The following PRKG1 variants were observed in gnomAD, a reference collection of about 807,000 sequenced individuals.
PRKG1 encodes the protein cGMP-dependent protein kinase 1.
In PRKG1, 35 loss-of-function variants were observed where a neutral mutation model predicts 88.1. The observed-to-expected ratio is 0.40, with a 90% CI of 0.30 to 0.53. PRKG1 has a LOEUF of 0.53. PRKG1 is among the 20% of genes least tolerant of loss of function. PRKG1 has a pLI of 0.59. For missense variants in PRKG1, 540 were observed against 839.8 expected, an observed-to-expected ratio of 0.64 and a Z score of 4.41; for synonymous variants, 303 against 292.5, an observed-to-expected ratio of 1.04 and a Z score of -0.37.
At chr10:51,719,284 A>G (rs1841958726) in intron 3 of PRKG1, among the ~76,000 whole-genome samples, 1 of 152,190 alleles carries the variant, frequency 6.6e-6, no homozygotes, top group Admixed American at 6.5e-5. Context: ...GAACAAGAAT[A>G]TGGAAAGAGA....
chr10:51,532,420 G>A (rs2132095885), intron 3 of PRKG1, among the ~76,000 whole-genome samples: 1 of 152,264 alleles, frequency 6.6e-6, no homozygotes, highest in Non-Finnish European at 1.5e-5. Flanking sequence ...CTTCATGAAA[G>A]CGTGATTCCC....
chr10:51,698,319 C>A lies in PRKG1; in HGVS notation c.593-106266C>A, dbSNP rs761210544. 4.3e-6 allele frequency: 7 copies of A among 1,614,172 alleles called. No individual in the cohort carries two copies. In the South Asian group the frequency reaches 7.7e-5, roughly 18 times the overall value. ...TCCATCGCTCGAGAATCTCTACCAC[C>A]TCTACCATCCATAGGTAGACCCCTT... On this transcript the variant is annotated intron_variant, in intron 3 of 17. Coordinates refer to ENST00000373980, the MANE Select transcript of PRKG1 (RefSeq NM_006258.4).
chr10:51,706,825 C>T (rs2132424932), intron 3 of PRKG1, among the ~76,000 whole-genome samples: 1 of 151,986 alleles, frequency 6.6e-6, no homozygotes, highest in South Asian at 2.1e-4. Context: ...AGTAATGTCA[C>T]CTGTATTGGA....
At chr10:51,812,744 G>A (rs1839489263) in intron 4 of PRKG1, among the ~76,000 whole-genome samples, 1 of 152,102 alleles carries the variant, frequency 6.6e-6, no homozygotes, top group South Asian at 2.1e-4. Context: ...CAGAATAAGA[G>A]AAGACGACAC....
At chr10:52,090,637 C>G (rs574514071) in intron 7 of PRKG1, among the ~76,000 whole-genome samples, 23 of 152,274 alleles carry the variant, frequency 1.5e-4, no homozygotes, top group African/African-American at 5.3e-4. Flanking sequence ...CTTAAACTAT[C>G]TCCCTCAATA....
At chr10:51,950,297 T>C (rs191328882) in intron 5 of PRKG1, among the ~76,000 whole-genome samples, 134 of 152,342 alleles carry the variant, frequency 8.8e-4, no homozygotes, top group African/African-American at 3.2e-3. Context: ...GCATATCTCT[T>C]AGTGATTAAT....
At chr10:51,128,768 T>G (rs2131932800) in intron 1 of PRKG1, among the ~76,000 whole-genome samples, 1 of 152,302 alleles carries the variant, frequency 6.6e-6, no homozygotes, top group Middle Eastern at 3.4e-3. Context: ...GAAGTTAGAT[T>G]TTATTGCTTA....
chr10:51,604,887 C>T (rs1838717935), intron 3 of PRKG1, among the ~76,000 whole-genome samples: 1 of 152,198 alleles, frequency 6.6e-6, no homozygotes, highest in African/African-American at 2.4e-5. Context: ...CTCAATAGAC[C>T]CTCTGCCTTA....
At chr10:51,631,237 G>A (rs1224104362) in intron 3 of PRKG1, among the ~76,000 whole-genome samples, 5 of 152,128 alleles carry the variant, frequency 3.3e-5, no homozygotes, top group Non-Finnish European at 2.9e-5. Flanking sequence ...AAACTCTCCA[G>A]TTACATTTGT....
intron 10 of PRKG1, among the ~76,000 whole-genome samples, chr10:52,262,463 G>T (rs536734544): frequency 6.6e-6 from 1 of 152,146 alleles, no homozygotes; most frequent in East Asian, 1.9e-4. Flanking sequence ...TAGAGATGAA[G>T]TTTCACCATG....
At chr10:51,536,464 T>C (rs1842153581) in intron 3 of PRKG1, among the ~76,000 whole-genome samples, 1 of 152,148 alleles carries the variant, frequency 6.6e-6, no homozygotes, top group African/African-American at 2.4e-5. Flanking sequence ...TTTGCAAATA[T>C]ATTTTCCCAT....
At chr10:51,142,280 T>G (rs752818641) in intron 1 of PRKG1, among the ~76,000 whole-genome samples, 1 of 152,132 alleles carries the variant, frequency 6.6e-6, no homozygotes, top group African/African-American at 2.4e-5. Flanking sequence ...ACTTCTGTAA[T>G]GTAGAGAATG....
chr10:51,055,276 C>A (rs1348989434), intron 1 of PRKG1, among the ~76,000 whole-genome samples: 1 of 152,046 alleles, frequency 6.6e-6, no homozygotes, highest in Non-Finnish European at 1.5e-5. Flanking sequence ...AATTGCCATG[C>A]AAAATCAGAG....
intron 3 of PRKG1, among the ~76,000 whole-genome samples, chr10:51,748,362 A>C (rs941241821): frequency 2.4e-4 from 37 of 152,212 alleles, no homozygotes; most frequent in African/African-American, 8.2e-4. Flanking sequence ...AAAATATACT[A>C]ATGGTGCTGA....
At chr10:51,598,694 G>A (rs1838520995) in intron 3 of PRKG1, among the ~76,000 whole-genome samples, 1 of 152,154 alleles carries the variant, frequency 6.6e-6, no homozygotes, top group African/African-American at 2.4e-5. Flanking sequence ...AATCTAAGTG[G>A]AGCATTAAAT....
intron 5 of PRKG1, among the ~76,000 whole-genome samples, chr10:51,913,108 T>C (rs1385607005): frequency 1.3e-5 from 2 of 152,160 alleles, no homozygotes; most frequent in African/African-American, 2.4e-5. Context: ...TTTGTATTTT[T>C]AGTAGAGACA....
chr10:51,274,705 A>G (rs1170182607), intron 2 of PRKG1, among the ~76,000 whole-genome samples: 1 of 152,236 alleles, frequency 6.6e-6, no homozygotes, highest in Non-Finnish European at 1.5e-5. Context: ...ATCTTACAAC[A>G]CATCTTAAAA....
At chr10:51,177,256 C>T (rs923862160) in intron 2 of PRKG1, among the ~76,000 whole-genome samples, 4 of 152,056 alleles carry the variant, frequency 2.6e-5, no homozygotes, top group African/African-American at 9.7e-5. Flanking sequence ...GTCTGCAATA[C>T]ATGTAGAATG....
At chr10:51,268,276 A>T (rs1839889242) in intron 2 of PRKG1, among the ~76,000 whole-genome samples, 1 of 152,158 alleles carries the variant, frequency 6.6e-6, no homozygotes, top group Non-Finnish European at 1.5e-5. Context: ...TGTCATTGAT[A>T]ACATCTTATC....
Sources: allele counts gnomAD v4.1 joint callset (sites outside exome capture counted in the v4.1 genomes callset), GRCh38; gene constraint gnomAD v4.1.1; transcripts MANE v1.5; gene names NCBI Gene and HGNC (gene_info 2026-07-23, HGNC 2026-07-21).